Variants in ZBTB20 observed in about 807,000 individuals in gnomAD.
ZBTB20 encodes the protein zinc finger and BTB domain containing 20.
A neutral mutation model predicts 56.9 loss-of-function variants in ZBTB20; 9 were observed. The ratio of observed to expected loss-of-function variants is 0.16; its 90% CI spans 0.10 to 0.28. ZBTB20 has a LOEUF of 0.28. Ranked by LOEUF, ZBTB20 falls within the 10% of genes least tolerant of loss-of-function variation. The probability of loss-of-function intolerance (pLI) is 1.00; values close to 1 mark genes in which losing one functional copy is unlikely to be tolerated. For missense variants in ZBTB20, 655 were observed against 1,003.0 expected (o/e 0.65, Z 4.69); for synonymous variants, 417 against 420.7 (o/e 0.99, Z 0.11).
chr3:114,629,520 C>T (rs1482862265), intron 6 of ZBTB20, among the ~76,000 whole-genome samples: 1 of 152,042 alleles, frequency 6.6e-6, no homozygotes, highest in African/African-American at 2.4e-5. Context: ...ACTGTATGTA[C>T]AGTTAGACTA....
intron 6 of ZBTB20, among the ~76,000 whole-genome samples, chr3:114,553,993 C>T (rs1296742803): frequency 6.6e-6 from 1 of 152,118 alleles, no homozygotes; most frequent in South Asian, 2.1e-4. Context: ...ATGTCTCCTG[C>T]CAAATTGTAA....
chr3:114,703,705 T>C (rs1377318334), intron 5 of ZBTB20, among the ~76,000 whole-genome samples: 1 of 152,198 alleles, frequency 6.6e-6, no homozygotes, highest in African/African-American at 2.4e-5. Flanking sequence ...CCAGTTTTAC[T>C]CACACAACAC....
intron 6 of ZBTB20, among the ~76,000 whole-genome samples, chr3:114,565,969 A>G (rs2052678210): frequency 6.6e-6 from 1 of 152,098 alleles, no homozygotes; most frequent in African/African-American, 2.4e-5. Flanking sequence ...CTTTCCAGGT[A>G]AAAGAAGTAA....
chr3:114,744,516 C>G (rs2066879285), intron 5 of ZBTB20, among the ~76,000 whole-genome samples: 2 of 152,002 alleles, frequency 1.3e-5, no homozygotes, highest in South Asian at 4.1e-4. Flanking sequence ...GATATAGCTA[C>G]CAAGATGCTT....
At chr3:114,473,749 T>C (rs2040420391) in intron 7 of ZBTB20, among the ~76,000 whole-genome samples, 1 of 152,140 alleles carries the variant, frequency 6.6e-6, no homozygotes. Flanking sequence ...TGATTCTAAT[T>C]CTATGTCAGT....
chr3:114,698,308 A>T (rs1032177349), intron 5 of ZBTB20, among the ~76,000 whole-genome samples: 5 of 152,148 alleles, frequency 3.3e-5, no homozygotes, highest in African/African-American at 9.7e-5. Flanking sequence ...CCAATATAGG[A>T]TAATAAAAGA....
intron 9 of ZBTB20, 44 bp downstream of exon 9, chr3:114,380,723 TTCCCCCCTTA>T (rs1380750121): frequency 2.0e-5 from 29 of 1,467,174 alleles, no homozygotes; most frequent in Admixed American, 1.6e-4. Flanking sequence ...AGCATCCCTC[TTCCCCCCTTA>T]GGAGTTTTAA....
intron 5 of ZBTB20, among the ~76,000 whole-genome samples, chr3:114,770,289 A>G (rs150911769): frequency 4.0e-4 from 61 of 151,914 alleles, no homozygotes; most frequent in Middle Eastern, 3.4e-3. Flanking sequence ...AAATACAAAA[A>G]ATTAGCTGGG....
intron 6 of ZBTB20, among the ~76,000 whole-genome samples, chr3:114,663,563 T>G (rs956056660): frequency 1.3e-5 from 2 of 151,566 alleles, no homozygotes; most frequent in African/African-American, 2.4e-5. Flanking sequence ...GTAAATGGAC[T>G]AAATTCTCCA....
At chr3:114,725,243 T>A (rs1439134490) in intron 5 of ZBTB20, among the ~76,000 whole-genome samples, 4 of 152,188 alleles carry the variant, frequency 2.6e-5, no homozygotes, top group African/African-American at 9.7e-5. Context: ...CACACAGAGT[T>A]AAAAAATCTA....
intron 6 of ZBTB20, among the ~76,000 whole-genome samples, chr3:114,505,397 T>C (rs1386494829): frequency 6.6e-6 from 1 of 152,184 alleles, no homozygotes; most frequent in Non-Finnish European, 1.5e-5. Flanking sequence ...GGAGAGATTA[T>C]TCATCACAAA....
intron 6 of ZBTB20, among the ~76,000 whole-genome samples, chr3:114,656,922 C>G (rs754613382): frequency 6.6e-6 from 1 of 152,020 alleles, no homozygotes; most frequent in African/African-American, 2.4e-5. Flanking sequence ...GGATTATAGG[C>G]GTGAGCTACC....
At chr3:114,778,335 G>A (rs537230856) in intron 5 of ZBTB20, among the ~76,000 whole-genome samples, 28 of 146,028 alleles carry the variant, frequency 1.9e-4, no homozygotes, top group African/African-American at 6.7e-4. Flanking sequence ...GGCAACAAGA[G>A]CAAAACTCCA....
chr3:115,095,090 G>C (rs1268332851), intron 1 of ZBTB20, among the ~76,000 whole-genome samples: 1 of 152,042 alleles, frequency 6.6e-6, no homozygotes, highest in Admixed American at 6.6e-5. Context: ...GAAGTATTCA[G>C]TGACAAAATT....
chr3:114,957,287 C>T (rs767817039), intron 3 of ZBTB20, among the ~76,000 whole-genome samples: 2 of 151,886 alleles, frequency 1.3e-5, no homozygotes, highest in Admixed American at 6.6e-5. Flanking sequence ...AGATAGTGGG[C>T]TGTAGACTTT....
intron 6 of ZBTB20, among the ~76,000 whole-genome samples, chr3:114,638,079 T>C (rs1009720053): frequency 1.3e-5 from 2 of 152,020 alleles, no homozygotes; most frequent in African/African-American, 4.8e-5. Context: ...ATAAGCCAAT[T>C]ATGACAAGTG....
chr3:115,121,529 ATGAAGT>A (rs1254540898), intron 1 of ZBTB20, among the ~76,000 whole-genome samples: 7 of 152,046 alleles, frequency 4.6e-5, no homozygotes, highest in African/African-American at 1.7e-4. Context: ...GTCAAGAATA[ATGAAGT>A]TGAAGTCTAC....
chr3:114,820,352 A>T (rs2073169058), intron 4 of ZBTB20, among the ~76,000 whole-genome samples: 1 of 152,034 alleles, frequency 6.6e-6, no homozygotes, highest in Non-Finnish European at 1.5e-5. Context: ...TATACAGACT[A>T]TACAATCCAA....
chr3:115,044,609 C>A (rs184178439), intron 2 of ZBTB20, among the ~76,000 whole-genome samples: 8 of 152,290 alleles, frequency 5.3e-5, no homozygotes, highest in African/African-American at 1.9e-4. Context: ...ATGGTGGCTA[C>A]CAGAAGAATT....
Sources: allele counts gnomAD v4.1 joint callset (sites outside exome capture counted in the v4.1 genomes callset), GRCh38; gene constraint gnomAD v4.1.1; transcripts MANE v1.5; gene names NCBI Gene and HGNC (gene_info 2026-07-23, HGNC 2026-07-21).